Variants in DAB1 observed in about 807,000 individuals in gnomAD.
DAB1 encodes the protein disabled homolog 1.
Under a neutral mutation model 64.6 loss-of-function variants are expected in DAB1, and 15 were observed. The ratio of observed to expected loss-of-function variants is 0.23; its 90% confidence interval spans 0.16 to 0.36. The LOEUF (loss-of-function observed/expected upper bound fraction) is 0.36. Among genes scored for constraint, DAB1 ranks in the 10% least tolerant of loss-of-function variants. The pLI is 1.00. For missense variants in DAB1, 596 were observed against 706.7 expected, an observed-to-expected ratio of 0.84 and a Z score of 1.78; for synonymous variants, 235 against 251.9, an observed-to-expected ratio of 0.93 and a Z score of 0.64.
intron 7 of DAB1, among the ~76,000 whole-genome samples, chr1:57,643,222 T>C (rs1646152605): frequency 6.6e-6 from 1 of 152,196 alleles, no homozygotes; most frequent in Non-Finnish European, 1.5e-5. Context: ...TGTTGCACTT[T>C]AAGAATAAGA....
intron 7 of DAB1, among the ~76,000 whole-genome samples, chr1:57,467,562 C>A (rs1227092697): frequency 6.6e-6 from 1 of 152,144 alleles, no homozygotes; most frequent in Non-Finnish European, 1.5e-5. Flanking sequence ...CCCTAAAACA[C>A]TATTCAAGCT....
chr1:58,193,715 G>C (rs1433369007), intron 4 of DAB1, among the ~76,000 whole-genome samples: 1 of 152,098 alleles, frequency 6.6e-6, no homozygotes, highest in Non-Finnish European at 1.5e-5. Context: ...AATTAGCCAG[G>C]CATGGTGGCG....
chr1:57,642,368 G>A (rs929200042), intron 7 of DAB1, among the ~76,000 whole-genome samples: 1 of 152,130 alleles, frequency 6.6e-6, no homozygotes, highest in African/African-American at 2.4e-5. Context: ...CTCTGATGTT[G>A]CTTGTCCCAA....
intron 1 of DAB1, among the ~76,000 whole-genome samples, chr1:58,531,944 T>C (rs564508770): frequency 1.5e-4 from 23 of 152,192 alleles, no homozygotes; most frequent in African/African-American, 4.1e-4. Flanking sequence ...CCTGACCTCA[T>C]GATCCACCCA....
chr1:57,994,483 A>G (rs1031397522), intron 5 of DAB1, among the ~76,000 whole-genome samples: 2 of 152,166 alleles, frequency 1.3e-5, no homozygotes, highest in African/African-American at 4.8e-5. Context: ...AGCACAGGCC[A>G]AGCTGCTGTG....
chr1:58,163,264 G>A (rs1441951852), intron 4 of DAB1, among the ~76,000 whole-genome samples: 1 of 152,190 alleles, frequency 6.6e-6, no homozygotes, highest in Non-Finnish European at 1.5e-5. Context: ...CAATAACTTA[G>A]TAACTGGCAC....
chr1:57,424,299 A>T (rs1685171435), upstream of DAB1, among the ~76,000 whole-genome samples: 2 of 149,982 alleles, frequency 1.3e-5, no homozygotes, highest in South Asian at 4.4e-4. Context: ...CCGAGAGCTT[A>T]GCCGAGTGGC....
At chr1:57,665,929 C>T (rs1419111746) in intron 6 of DAB1, among the ~76,000 whole-genome samples, 1 of 147,554 alleles carries the variant, frequency 6.8e-6, no homozygotes, top group African/African-American at 2.5e-5. Flanking sequence ...TTAATGAGTA[C>T]AGGTTAGTTT....
At chr1:57,529,325 A>G (rs1474135463) in intron 7 of DAB1, among the ~76,000 whole-genome samples, 1 of 152,116 alleles carries the variant, frequency 6.6e-6, no homozygotes, top group Non-Finnish European at 1.5e-5. Context: ...AGGAACAAAG[A>G]AGAAACAGAA....
intron 2 of DAB1, among the ~76,000 whole-genome samples, chr1:57,256,854 C>A (rs1669804529): frequency 6.6e-6 from 1 of 152,236 alleles, no homozygotes; most frequent in African/African-American, 2.4e-5. Flanking sequence ...ACTAGCTGGC[C>A]TCTGTTTGCC....
intron 4 of DAB1, among the ~76,000 whole-genome samples, chr1:58,288,618 T>C (rs962876642): frequency 8.5e-5 from 13 of 152,206 alleles, no homozygotes; most frequent in Non-Finnish European, 1.3e-4. Flanking sequence ...ACTGTTACTG[T>C]GAAAAGTTCG....
chr1:58,085,175 A>G (rs570932903), intron 5 of DAB1, among the ~76,000 whole-genome samples: 27 of 152,300 alleles, frequency 1.8e-4, no homozygotes, highest in Admixed American at 7.2e-4. Context: ...TAGTGCAGAC[A>G]AGACAGATGG....
At chr1:57,614,119 G>A (rs1645761260) in intron 7 of DAB1, among the ~76,000 whole-genome samples, 1 of 152,188 alleles carries the variant, frequency 6.6e-6, no homozygotes, top group Non-Finnish European at 1.5e-5. Flanking sequence ...CTGCTGCTGT[G>A]CTGCATCCAG....
chr1:57,572,658 A>G (rs1241991425), intron 7 of DAB1, among the ~76,000 whole-genome samples: 1 of 152,184 alleles, frequency 6.6e-6, no homozygotes, highest in Non-Finnish European at 1.5e-5. Flanking sequence ...ACATAATTGT[A>G]TTAGGTCATT....
intron 9 of DAB1, among the ~76,000 whole-genome samples, chr1:57,033,013 G>A (rs1557591099): frequency 1.3e-5 from 2 of 152,074 alleles, no homozygotes; most frequent in African/African-American, 2.4e-5. Flanking sequence ...TCTTATCCCA[G>A]GCAATGTTGC....
chr1:57,784,342 C>T (rs1213566317), intron 6 of DAB1, among the ~76,000 whole-genome samples: 2 of 151,998 alleles, frequency 1.3e-5, no homozygotes, highest in East Asian at 3.9e-4. Context: ...TGCAGTGACT[C>T]GAGATCGCGC....
chr1:58,045,934 AATTT>A (rs1318290764), intron 5 of DAB1, among the ~76,000 whole-genome samples: 1 of 103,994 alleles, frequency 9.6e-6, no homozygotes, highest in African/African-American at 3.7e-5. Context: ...CAAGATTATC[AATTT>A]TTTTTTTTTT....
At position 58,530,576 on chromosome 1, in the gene DAB1, A is replaced by G. The variant is rs747136093; in HGVS notation, n.33-3241T>C. ...ATATCTTCACCAGAGGCTATGATCA[A>G]TTCAAGTTATTGTCTCAGACTTACC... is the stretch of plus-strand genomic sequence containing the variant. On this transcript the variant is annotated intron_variant and non_coding_transcript_variant, in intron 1 of 20. Transcript: ENST00000485760. 3.5e-6 allele frequency: 3 copies of G among 865,772 alleles called. No homozygotes were observed. The East Asian group carries it at 7.2e-5, about 21-fold the overall frequency. 53.6% of individuals were successfully genotyped at this position (865,772 alleles called of 1,614,324 possible).
chr1:57,118,069 T>C (rs1183050159), intron 4 of DAB1, among the ~76,000 whole-genome samples: 1 of 152,200 alleles, frequency 6.6e-6, no homozygotes, highest in African/African-American at 2.4e-5. Flanking sequence ...GCATATATCT[T>C]TCAGTACAAG....
Sources: gnomAD v4.1 joint callset for allele counts (sites outside exome capture counted in the v4.1 genomes callset) on GRCh38, gnomAD v4.1.1 for gene constraint, MANE v1.5 for transcripts, NCBI Gene and HGNC (gene_info 2026-07-23, HGNC 2026-07-21) for gene names.